LARGE1: variants seen among roughly 807,000 people sequenced by gnomAD.
LARGE1 encodes the protein LARGE xylosyl- and glucuronyltransferase 1.
In LARGE1, 43 loss-of-function variants were observed where a neutral mutation model predicts 87.6. The observed-to-expected ratio is 0.49, with a 90% CI of 0.38 to 0.63. The LOEUF is 0.63. LARGE1 is among the 30% of genes least tolerant of loss of function. The pLI is 0.00. For synonymous variants in LARGE1, 434 were observed against 394.6 expected, an observed-to-expected ratio of 1.10 and a Z score of -1.18; for missense variants, 802 against 1,000.2, an observed-to-expected ratio of 0.80 and a Z score of 2.67.
chr22:33,633,962 G>A (rs1869937), intron 3 of LARGE1, among the ~76,000 whole-genome samples: 2,675 of 152,292 alleles, frequency 0.018, 70 homozygotes, highest in African/African-American at 0.058. Flanking sequence ...AAGTGGCCGC[G>A]TGATCTTGGA....
chr22:33,920,781 C>G (rs1013223297), upstream of LARGE1, among the ~76,000 whole-genome samples: 3 of 144,782 alleles, frequency 2.1e-5, no homozygotes, highest in African/African-American at 7.4e-5. Flanking sequence ...CGAGATGCGC[C>G]GGCTTCCCGG....
chr22:33,406,391 T>C (rs1252457281), intron 7 of LARGE1, among the ~76,000 whole-genome samples: 1 of 152,092 alleles, frequency 6.6e-6, no homozygotes, highest in African/African-American at 2.4e-5. Context: ...CCGATTTGCA[T>C]CTTGGGATTT....
chr22:33,464,561 A>T (rs1472807890), intron 6 of LARGE1, among the ~76,000 whole-genome samples: 2 of 152,214 alleles, frequency 1.3e-5, no homozygotes, highest in Non-Finnish European at 2.9e-5. Context: ...TGGGCAAAAG[A>T]TATAAACAAA....
At chr22:33,650,142 G>A (rs1461180645) in intron 3 of LARGE1, among the ~76,000 whole-genome samples, 3 of 152,136 alleles carry the variant, frequency 2.0e-5, no homozygotes, top group South Asian at 2.1e-4. Flanking sequence ...TGTAGATTAC[G>A]CCTTCTTATC....
At chr22:33,557,076 A>G (rs991036007) in intron 6 of LARGE1, among the ~76,000 whole-genome samples, 4 of 152,230 alleles carry the variant, frequency 2.6e-5, no homozygotes, top group Non-Finnish European at 4.4e-5. Context: ...TGTGCAATAC[A>G]GAGCCATTAC....
intron 7 of LARGE1, among the ~76,000 whole-genome samples, chr22:33,427,423 T>C (rs742011): frequency 0.037 from 5,590 of 152,278 alleles, 104 homozygotes; most frequent in Middle Eastern, 0.054. Flanking sequence ...TTCTCTAATG[T>C]TTTGTGGCCA....
rs760865637 is a variant in LARGE1 at position 33,501,963 on chromosome 22, C to T, written c.787+62885G>A. 7.2e-5 allele frequency among the ~76,000 whole-genome samples: 11 copies of T among 152,040 alleles called. No individual in the cohort carries two copies. The East Asian group carries it at 9.6e-4, about 13-fold the overall frequency. On this transcript the variant is annotated intron_variant, in intron 6 of 14. Transcript: ENST00000397394. Reference sequence around the variant, plus strand: ...ATCCCAGCACTTTGGGAGGCTGAGGCGGGCAGATCACCTGAGGTCAGGAGT... The same window carrying T: ...ATCCCAGCACTTTGGGAGGCTGAGGTGGGCAGATCACCTGAGGTCAGGAGT...
chr22:33,728,575 A>AG (rs2149469481), intron 2 of LARGE1, among the ~76,000 whole-genome samples: 1 of 150,486 alleles, frequency 6.6e-6, no homozygotes, highest in South Asian at 2.1e-4. Context: ...AAAAAAAAAA[A>AG]AAAACCAACA....
At chr22:33,464,526 C>T (rs577269829) in intron 6 of LARGE1, among the ~76,000 whole-genome samples, 52 of 151,998 alleles carry the variant, frequency 3.4e-4, no homozygotes, top group Non-Finnish European at 4.0e-4. Flanking sequence ...CAAGTCAATA[C>T]GGAAAAGATG....
chr22:33,875,980 GGATTCAGTCCAAA>G (rs1163259942), intron 1 of LARGE1, among the ~76,000 whole-genome samples: 4 of 152,190 alleles, frequency 2.6e-5, no homozygotes, highest in Non-Finnish European at 5.9e-5. Context: ...CTCCCAGATA[GGATTCAGTCCAAA>G]GATCTCAACC....
chr22:33,092,134 A>G, the LARGE1 span, among the ~76,000 whole-genome samples: 6 of 152,106 alleles, frequency 3.9e-5, no homozygotes, highest in Non-Finnish European at 8.8e-5. Context: ...TCCTGACCTC[A>G]TGATCCACCT....
rs116032667 is a variant in LARGE1, at chr22:33,373,446, A to T, written c.1131+8473T>A. On this transcript the variant is annotated intron_variant, in intron 9 of 14. Transcript: ENST00000397394. ...TGCTGTCTTCTTCATTTAGAATGGT[A>T]ATTTCACTTCTTGAGGCAGAGGTTT... Among the ~76,000 whole-genome samples, 973 of 152,272 alleles carry T rather than the reference A, an allele frequency of 6.4e-3. 6 individuals are homozygous for T. Among genetic ancestry groups the T allele is most frequent in the African/African-American group, 0.023 (938 of 41,542 alleles).
At chr22:33,485,909 A>G (rs1280882415) in intron 6 of LARGE1, among the ~76,000 whole-genome samples, 1 of 152,204 alleles carries the variant, frequency 6.6e-6, no homozygotes, top group Non-Finnish European at 1.5e-5. Flanking sequence ...CCAGGTGGGC[A>G]GAAATTTTTG....
intron 2 of LARGE1, among the ~76,000 whole-genome samples, chr22:33,667,233 T>C (rs1239424756): frequency 6.6e-6 from 1 of 152,234 alleles, no homozygotes; most frequent in Non-Finnish European, 1.5e-5. Context: ...TTCTCACATA[T>C]TCCTGACACT....
chr22:33,604,679 G>A, intron 4 of LARGE1, 121 bp from the exon 5 acceptor site: 2 of 1,320,502 alleles, frequency 1.5e-6, no homozygotes, highest in Non-Finnish European at 1.1e-6. Flanking sequence ...AATTGTGAAA[G>A]TAAATCTGGA....
intron 5 of LARGE1, among the ~76,000 whole-genome samples, chr22:33,592,378 C>T (rs767190975): frequency 2.0e-5 from 3 of 151,988 alleles, no homozygotes; most frequent in African/African-American, 7.3e-5. Context: ...TTGAAATAAT[C>T]ATCACTAATA....
At chr22:33,524,198 G>A (rs578002738) in intron 6 of LARGE1, among the ~76,000 whole-genome samples, 1 of 151,884 alleles carries the variant, frequency 6.6e-6, no homozygotes, top group East Asian at 1.9e-4. Flanking sequence ...GGCTGAGGCA[G>A]GAGAACTGCT....
intron 9 of LARGE1, among the ~76,000 whole-genome samples, chr22:33,376,553 A>C (rs1196118575): frequency 6.6e-6 from 1 of 152,186 alleles, no homozygotes; most frequent in East Asian, 1.9e-4. Context: ...TGCTGTAGAC[A>C]GCTTTTTTTC....
At chr22:33,128,680 C>CAAAAAAAAAAAAAAAAAAAAAAAAA in the LARGE1 span, among the ~76,000 whole-genome samples, 2 of 110,314 alleles carry the variant, frequency 1.8e-5, no homozygotes, top group East Asian at 2.6e-4. Context: ...GTCTCAAAAA[C>CAAAAAAAAAAAAAAAAAAAAAAAAA]AAAAAAAAAA....
Sources: gnomAD v4.1 joint callset for allele counts (sites outside exome capture counted in the v4.1 genomes callset) on GRCh38, gnomAD v4.1.1 for gene constraint, MANE v1.5 for transcripts, NCBI Gene and HGNC (gene_info 2026-07-23, HGNC 2026-07-21) for gene names.